Variants in TBC1D5 observed in about 807,000 individuals in gnomAD.
TBC1D5 encodes the protein TBC1 domain family, member 5.
In TBC1D5, 75 loss-of-function variants were observed where a neutral mutation model predicts 100.3. That is an observed-to-expected ratio of 0.75 (90% CI 0.62 to 0.91). TBC1D5 has a LOEUF of 0.91. TBC1D5 is among the 40% of genes least tolerant of loss of function. The pLI is 0.00. For missense variants in TBC1D5, 910 were observed against 942.4 expected, an observed-to-expected ratio of 0.97 and a Z score of 0.45; for synonymous variants, 323 against 325.6, an observed-to-expected ratio of 0.99 and a Z score of 0.09.
At chr3:17,477,971 T>C (rs951484310) in intron 3 of TBC1D5, among the ~76,000 whole-genome samples, 2 of 152,162 alleles carry the variant, frequency 1.3e-5, no homozygotes, top group African/African-American at 2.4e-5. Flanking sequence ...GAATGGATTT[T>C]AGAAAGATAT....
intron 8 of TBC1D5, among the ~76,000 whole-genome samples, chr3:17,393,024 T>C (rs1011083684): frequency 1.3e-5 from 2 of 152,148 alleles, no homozygotes; most frequent in African/African-American, 4.8e-5. Context: ...ATCTATTGTT[T>C]CCTGACTTTT....
At chr3:17,247,256 T>C (rs546242081) in intron 16 of TBC1D5, among the ~76,000 whole-genome samples, 69 of 152,288 alleles carry the variant, frequency 4.5e-4, no homozygotes, top group Middle Eastern at 3.4e-3. Context: ...CAACTGAAAG[T>C]TTGTACAGGC....
At chr3:17,302,763 A>G (rs115087295) in intron 14 of TBC1D5, among the ~76,000 whole-genome samples, 1,652 of 152,314 alleles carry the variant, frequency 0.011, 25 homozygotes, top group African/African-American at 0.038. Flanking sequence ...AGTTTCCCTC[A>G]GATGAAACAT....
chr3:17,699,819 A>T (rs1389126553), intron 1 of TBC1D5, among the ~76,000 whole-genome samples: 2 of 151,860 alleles, frequency 1.3e-5, no homozygotes, highest in African/African-American at 4.8e-5. Context: ...AAGGGAAAAA[A>T]AAAAAAAAGA....
At chr3:17,474,918 C>T (rs775885581) in intron 3 of TBC1D5, among the ~76,000 whole-genome samples, 7 of 151,858 alleles carry the variant, frequency 4.6e-5, no homozygotes, top group Non-Finnish European at 1.0e-4. Context: ...CTTTTTTTAA[C>T]GTAACAATGT....
At chr3:17,728,378 G>A (rs529053451) in intron 1 of TBC1D5, among the ~76,000 whole-genome samples, 1 of 152,232 alleles carries the variant, frequency 6.6e-6, no homozygotes, top group African/African-American at 2.4e-5. Context: ...AAACCAAAGA[G>A]AATCAACTGA....
At chr3:17,171,562 T>G (rs1444860785) in intron 19 of TBC1D5, among the ~76,000 whole-genome samples, 1 of 152,172 alleles carries the variant, frequency 6.6e-6, no homozygotes, top group Non-Finnish European at 1.5e-5. Context: ...GGCTTGTAGA[T>G]GCATCGCTCC....
At chr3:17,309,795 G>T (rs1410218274) in intron 13 of TBC1D5, among the ~76,000 whole-genome samples, 1 of 152,102 alleles carries the variant, frequency 6.6e-6, no homozygotes, top group East Asian at 1.9e-4. Context: ...GGGAACCAGA[G>T]ATGGGCACAG....
chr3:17,371,170 A>G (rs1445531258), intron 13 of TBC1D5, among the ~76,000 whole-genome samples: 2 of 152,110 alleles, frequency 1.3e-5, no homozygotes, highest in Admixed American at 1.3e-4. Flanking sequence ...TGGCTGAAGA[A>G]AATTAATACA....
intron 1 of TBC1D5, among the ~76,000 whole-genome samples, chr3:17,677,500 G>A (rs1273500553): frequency 6.6e-6 from 1 of 151,732 alleles, no homozygotes; most frequent in Non-Finnish European, 1.5e-5. Context: ...CAGGAAACAG[G>A]TGCTGGAGAG....
intron 15 of TBC1D5, among the ~76,000 whole-genome samples, chr3:17,260,917 A>G (rs1251379238): frequency 6.6e-6 from 1 of 152,228 alleles, no homozygotes; most frequent in Non-Finnish European, 1.5e-5. Flanking sequence ...CCTTTTGTAC[A>G]AAGTCTTTGA....
exon 17 of TBC1D5, chr3:17,238,279 G>T (rs773979425): frequency 6.2e-7 from 1 of 1,614,036 alleles, no homozygotes; most frequent in Admixed American, 1.7e-5. Flanking sequence ...TACAACAGAG[G>T]AGGAGCTACT....
intron 1 of TBC1D5, among the ~76,000 whole-genome samples, chr3:17,699,085 C>A (rs1443452026): frequency 5.3e-5 from 8 of 151,280 alleles, no homozygotes; most frequent in East Asian, 3.9e-4. Context: ...TATAAAGACA[C>A]ATGCCCACGT....
chr3:17,542,914 A>G (rs2096372937), intron 2 of TBC1D5, among the ~76,000 whole-genome samples: 1 of 152,206 alleles, frequency 6.6e-6, no homozygotes, highest in Non-Finnish European at 1.5e-5. Context: ...TACATTTAGA[A>G]CTTAAACTGG....
intron 3 of TBC1D5, among the ~76,000 whole-genome samples, chr3:17,433,274 G>A (rs527282173): frequency 1.3e-5 from 2 of 152,272 alleles, no homozygotes; most frequent in East Asian, 1.9e-4. Context: ...CTAAACACCC[G>A]ATATACAGTC....
At chr3:17,651,446 G>T (rs6782889) in intron 1 of TBC1D5, among the ~76,000 whole-genome samples, 75,789 of 151,856 alleles carry the variant, frequency 0.5, 20,461 homozygotes, top group East Asian at 0.94. Flanking sequence ...GTTAAGAGAT[G>T]GTTTCAGCAT....
Position 17,380,672 on chromosome 3 carries a change from A to C in TBC1D5, c.612+3241T>G, listed in dbSNP as rs186312044. Among the ~76,000 whole-genome samples the C allele has an allele frequency of 8.3e-4, 126 of 152,190 alleles. 2 individuals carry two copies. In the East Asian group the frequency reaches 0.012, roughly 15 times the overall value. ...CCAAACTCATGCCAGTTGAAAATAA[A>C]GGTAACAAAAGTTTTCTTCAACAGC... On this transcript the variant is annotated intron_variant, in intron 9 of 21. Coordinates refer to ENST00000253692, the Ensembl canonical transcript of TBC1D5.
At chr3:17,460,794 G>C (rs1360946968) in intron 3 of TBC1D5, among the ~76,000 whole-genome samples, 1 of 151,768 alleles carries the variant, frequency 6.6e-6, no homozygotes, top group African/African-American at 2.4e-5. Flanking sequence ...AGAAATGTTG[G>C]AAATTATACA....
At chr3:17,583,968 G>A (rs947639869) in intron 2 of TBC1D5, among the ~76,000 whole-genome samples, 6 of 152,050 alleles carry the variant, frequency 3.9e-5, no homozygotes, top group African/African-American at 9.7e-5. Flanking sequence ...GTGTATGAAC[G>A]AATAAATGGA....
Sources: gnomAD v4.1 joint callset for allele counts (sites outside exome capture counted in the v4.1 genomes callset) on GRCh38, gnomAD v4.1.1 for gene constraint, MANE v1.5 for transcripts, NCBI Gene and HGNC (gene_info 2026-07-23, HGNC 2026-07-21) for gene names.